ANAPC5: variants seen among roughly 807,000 people sequenced by gnomAD.
ANAPC5 encodes the protein anaphase-promoting complex subunit 5.
Under a neutral mutation model 91.3 loss-of-function variants are expected in ANAPC5, and 60 were observed. The observed-to-expected ratio is 0.66, with a 90% CI of 0.53 to 0.81. ANAPC5 has a LOEUF of 0.81. ANAPC5 is among the 40% of genes least tolerant of loss of function. ANAPC5 has a pLI of 0.00. For missense variants in ANAPC5, 690 were observed against 931.5 expected (o/e 0.74, Z 3.37); for synonymous variants, 340 against 364.1 (o/e 0.93, Z 0.75).
intron 8 of ANAPC5, 99 bp from the exon 9 acceptor site, chr12:121,330,771 A>C: frequency 1.1e-6 from 1 of 903,878 alleles, no homozygotes. Context: ...AAAAGGGACA[A>C]AATGAATCCT....
At chr12:121,319,899 T>C in intron 12 of ANAPC5, 81 bp from the exon 13 acceptor site, 1 of 1,337,044 alleles carries the variant, frequency 7.5e-7, no homozygotes. Context: ...TTTGGATTGC[T>C]TAGCAAATAT....
rs766633868 is a variant in ANAPC5, at chr12:121,318,435, A to T, written c.1746-11T>A. The T allele has an allele frequency of 6.8e-6, 11 of 1,610,634 alleles. No homozygotes were observed. The East Asian group carries it at 2.5e-4, about 36-fold the overall frequency. ...ACGGACAGTAGGACACTGACCGTAA[A>T]GAGGAAAACACAGGATGAGAAGATC... is the stretch of plus-strand genomic sequence containing the variant. On this transcript the variant is annotated splice_polypyrimidine_tract_variant and intron_variant, in intron 14 of 16. Transcript: ENST00000261819.
chr12:121,352,163 G>C lies in ANAPC5; in HGVS notation c.178C>G (p.Leu60Val). ...AGCAGGGGCAGGAGCAGCTGGTTGA[G>C]CCTCCGCCGCTCCATGAGGCTGACG... ...GAVSLMERRR[L>V]NQLLLPLLQG... The change falls in exon 1 of 17, where the codon CTC becomes GTC. Residue 60 changes from leucine to valine, a missense_variant. Physicochemically the swap from Leu to Val is conservative, Grantham distance 32 (BLOSUM62 1). Around this residue, in one of 5 missense-constraint regions of ANAPC5, gnomAD observed 238 missense variants for 264.9 expected, o/e 0.90. Coordinates refer to ENST00000261819, the MANE Select transcript of ANAPC5 (RefSeq NM_016237.5). The C allele has an allele frequency of 6.2e-7, 1 of 1,612,076 alleles. No homozygotes were observed. The highest frequency in any genetic ancestry group is 8.5e-7 in the Non-Finnish European group (1 of 1,178,648).
intron 2 of ANAPC5, chr12:121,347,495 G>A (rs1903715387): frequency 3.1e-6 from 1 of 321,998 alleles, no homozygotes; most frequent in African/African-American, 2.2e-5. Flanking sequence ...GCCAGGTTTG[G>A]TGGTGTATGC....
intron 15 of ANAPC5, 112 bp from the exon 16 acceptor site, chr12:121,309,975 A>G (rs1375448733): frequency 1.4e-5 from 15 of 1,040,334 alleles, no homozygotes; most frequent in Non-Finnish European, 1.9e-5. Context: ...CTTACCTTTT[A>G]CCTGACATGT....
chr12:121,336,260 G>A (rs1903233435), intron 6 of ANAPC5, among the ~76,000 whole-genome samples: 1 of 151,734 alleles, frequency 6.6e-6, no homozygotes, highest in Non-Finnish European at 1.5e-5. Flanking sequence ...AAGTCAGATG[G>A]AAAATCCAAA....
chr12:121,337,232 A>T, intron 6 of ANAPC5, 59 bp downstream of exon 6: 1 of 1,402,178 alleles, frequency 7.1e-7, no homozygotes, highest in Non-Finnish European at 1.0e-6. Flanking sequence ...ACAAACAAAC[A>T]AAAAAAGTTG....
intron 5 of ANAPC5, among the ~76,000 whole-genome samples, chr12:121,337,753 G>GC (rs1903301468): frequency 6.6e-6 from 1 of 151,944 alleles, no homozygotes; most frequent in African/African-American, 2.4e-5. Context: ...GATCCTATAA[G>GC]CCCCTCCATG....
At chr12:121,344,489 CAGG>C (rs1247550629) in intron 4 of ANAPC5, among the ~76,000 whole-genome samples, 1 of 149,348 alleles carries the variant, frequency 6.7e-6, no homozygotes, top group African/African-American at 2.5e-5. Context: ...GAGGTGGAGG[CAGG>C]AGAATCACTT....
At chr12:121,309,174 G>A (rs1483392801) in intron 16 of ANAPC5, among the ~76,000 whole-genome samples, 2 of 149,508 alleles carry the variant, frequency 1.3e-5, no homozygotes, top group African/African-American at 2.5e-5. Context: ...AAAAAGGCCG[G>A]GCGCAGTGGC....
In ANAPC5 at chr12:121,327,105, G is replaced by A. The variant is rs782639940; in HGVS notation, c.1431C>T (p.His477=). Reference sequence around the variant, plus strand: ...CCGGCCACCTGCCTACCTGCTCCGCGTGTAGCTCTGCGAGGTGGCAGAGTG... The same window carrying A: ...CCGGCCACCTGCCTACCTGCTCCGCATGTAGCTCTGCGAGGTGGCAGAGTG... ...AVALCHLAEL[H]AEQGCFAAAS... is the part of the protein sequence containing the mutation. Residue 477 remains histidine, a synonymous_variant, in exon 11 of 17, where the codon CAC becomes CAT. Coordinates refer to ENST00000261819, the MANE Select transcript of ANAPC5 (RefSeq NM_016237.5). 2.1e-5 allele frequency: 34 copies of A among 1,604,740 alleles called. No homozygotes were observed. The highest frequency in any genetic ancestry group is 1.6e-4 in the Middle Eastern group (1 of 6,062).
intron 15 of ANAPC5, among the ~76,000 whole-genome samples, chr12:121,316,486 C>A (rs892773159): frequency 3.3e-5 from 5 of 152,124 alleles, no homozygotes; most frequent in African/African-American, 1.2e-4. Flanking sequence ...GTAATCCCAG[C>A]ACTTTGGGAG....
intron 1 of ANAPC5, among the ~76,000 whole-genome samples, chr12:121,350,093 G>A (rs1367659541): frequency 1.3e-5 from 2 of 152,082 alleles, no homozygotes; most frequent in Non-Finnish European, 2.9e-5. Context: ...AGCCCTGGGA[G>A]CCACAAGTTA....
chr12:121,330,529 G>C (rs1903004656), intron 9 of ANAPC5, 54 bp downstream of exon 9: 1 of 1,487,176 alleles, frequency 6.7e-7, no homozygotes. Flanking sequence ...GGCAGAAAAA[G>C]AGACAAAGGC....
chr12:121,347,325 A>G, intron 2 of ANAPC5: 2 of 314,524 alleles, frequency 6.4e-6, no homozygotes, highest in South Asian at 4.4e-5. Flanking sequence ...ATAAAACAGT[A>G]TGCTTAATGT....
intron 7 of ANAPC5, chr12:121,332,797 C>T (rs1005648141): frequency 7.2e-5 from 11 of 152,152 alleles, no homozygotes; most frequent in African/African-American, 2.2e-4. Flanking sequence ...AAATCTACCT[C>T]TCCTCATTTA....
chr12:121,344,741 G>A (rs1903598816), intron 4 of ANAPC5, among the ~76,000 whole-genome samples: 1 of 152,200 alleles, frequency 6.6e-6, no homozygotes, highest in Non-Finnish European at 1.5e-5. Flanking sequence ...ACCTGAGGTA[G>A]AAACTGATTG....
intron 15 of ANAPC5, chr12:121,310,157 T>C (rs1902101974): frequency 9.5e-6 from 2 of 210,204 alleles, no homozygotes; most frequent in Admixed American, 1.2e-4. Flanking sequence ...GGGGTTGAAC[T>C]AGGTGGGAGA....
intron 11 of ANAPC5, among the ~76,000 whole-genome samples, chr12:121,325,270 T>C (rs1902764380): frequency 6.6e-6 from 1 of 152,068 alleles, no homozygotes; most frequent in Non-Finnish European, 1.5e-5. Flanking sequence ...TCAGACCAGC[T>C]TGGCCAACAT....
Sources: allele counts gnomAD v4.1 joint callset (sites outside exome capture counted in the v4.1 genomes callset), GRCh38; gene constraint gnomAD v4.1.1; regional missense constraint gnomAD v4.1.1; transcripts MANE v1.5; gene names NCBI Gene and HGNC (gene_info 2026-07-23, HGNC 2026-07-21).